Variants in TENM2 observed in about 807,000 individuals in gnomAD.
TENM2 encodes teneurin-2.
In TENM2, 52 loss-of-function variants were observed where a neutral mutation model predicts 245.2. The ratio of observed to expected loss-of-function variants is 0.21; its 90% CI spans 0.17 to 0.27. The LOEUF (loss-of-function observed/expected upper bound fraction) is 0.27, where lower values mean the gene tolerates loss of function less well. TENM2 is among the 10% of genes least tolerant of loss of function. TENM2 has a pLI of 1.00. For missense variants in TENM2, 3,046 were observed against 3,666.8 expected (o/e 0.83, Z 4.37); for synonymous variants, 1,363 against 1,438.9 (o/e 0.95, Z 1.19).
intron 2 of TENM2, among the ~76,000 whole-genome samples, chr5:167,397,013 T>C (rs546912418): frequency 2.0e-5 from 3 of 152,252 alleles, no homozygotes; most frequent in Admixed American, 2.0e-4. Flanking sequence ...AAGGCAGTGA[T>C]AAACTTTTGA....
At chr5:167,307,201 G>C (rs1561850697) in intron 1 of TENM2, among the ~76,000 whole-genome samples, 1 of 152,208 alleles carries the variant, frequency 6.6e-6, no homozygotes. Context: ...GCTCAGATCT[G>C]TGCAGCCAGA....
intron 3 of TENM2, among the ~76,000 whole-genome samples, chr5:167,890,467 C>A (rs1448109414): frequency 6.6e-6 from 1 of 152,118 alleles, no homozygotes; most frequent in South Asian, 2.1e-4. Context: ...ACATCTGACC[C>A]TTGGTCAAAG....
chr5:167,887,871 G>A (rs926092714), intron 3 of TENM2, among the ~76,000 whole-genome samples: 12 of 152,226 alleles, frequency 7.9e-5, no homozygotes, highest in Non-Finnish European at 1.8e-4. Flanking sequence ...ATGCCCTAGG[G>A]AAGAGTCCTT....
chr5:167,646,200 CATATATATATAT>C lies in TENM2; in HGVS notation c.503-229767_503-229756del, dbSNP rs61476810. ...TTCATATATATATATATGTTGTTTT[CATATATATATAT>C]ATATATATATATATATATGTTGTTT... is the stretch of plus-strand genomic sequence containing the variant. On this transcript the variant is annotated intron_variant, in intron 2 of 28. Transcript: ENST00000518659. 5.0e-4 allele frequency among the ~76,000 whole-genome samples: 32 copies of C among 63,440 alleles called. No individual in the cohort carries two copies. In the South Asian group the frequency reaches 0.01, roughly 21 times the overall value. The allele number at this position is 63,440 out of a possible 152,430, so 41.6% of individuals were successfully genotyped here. A position where few individuals can be genotyped will look rare whatever the true frequency, so the allele number is the denominator to read the frequency against.
chr5:167,716,021 A>C (rs1759232390), intron 2 of TENM2, among the ~76,000 whole-genome samples: 1 of 152,182 alleles, frequency 6.6e-6, no homozygotes. Context: ...GTTTGGAGTG[A>C]AGGTATAATC....
chr5:167,583,510 A>ACACACACC (rs777180325), intron 2 of TENM2, among the ~76,000 whole-genome samples: 113 of 150,004 alleles, frequency 7.5e-4, no homozygotes, highest in East Asian at 1.6e-3. Context: ...ACACACACAC[A>ACACACACC]CCCCAAACCT....
chr5:167,386,068 G>T (rs1367163347), intron 2 of TENM2, among the ~76,000 whole-genome samples: 1 of 152,060 alleles, frequency 6.6e-6, no homozygotes, highest in Non-Finnish European at 1.5e-5. Context: ...GGATCAAATT[G>T]TAGTTCTACT....
intron 2 of TENM2, among the ~76,000 whole-genome samples, chr5:167,577,728 G>C (rs905097820): frequency 6.6e-6 from 1 of 151,840 alleles, no homozygotes; most frequent in African/African-American, 2.4e-5. Flanking sequence ...TTTAATAGTA[G>C]CTATCGAGCG....
chr5:167,032,442 A>G, the TENM2 span, among the ~76,000 whole-genome samples: 1 of 152,194 alleles, frequency 6.6e-6, no homozygotes, highest in Non-Finnish European at 1.5e-5. Flanking sequence ...TGAGAAACCT[A>G]GAAAGTAAAA....
chr5:167,751,522 A>C (rs1761957906), intron 2 of TENM2, among the ~76,000 whole-genome samples: 1 of 152,172 alleles, frequency 6.6e-6, no homozygotes, highest in Admixed American at 6.5e-5. Flanking sequence ...ATGAGAATTA[A>C]GCAAGATAAA....
At chr5:167,737,191 G>A (rs892600582) in intron 2 of TENM2, among the ~76,000 whole-genome samples, 4 of 152,174 alleles carry the variant, frequency 2.6e-5, no homozygotes, top group African/African-American at 7.2e-5. Flanking sequence ...TTAAATGGAC[G>A]AGCCTAAAGT....
At chr5:167,213,860 A>G in the TENM2 span, among the ~76,000 whole-genome samples, 1 of 152,230 alleles carries the variant, frequency 6.6e-6, no homozygotes, top group African/African-American at 2.4e-5. Context: ...AGGAATTGCA[A>G]TTTGTATAAA....
intron 13 of TENM2, among the ~76,000 whole-genome samples, chr5:168,169,027 GTTA>G (rs571142141): frequency 3.9e-5 from 6 of 152,212 alleles, no homozygotes; most frequent in Middle Eastern, 3.4e-3. Flanking sequence ...TAAACACATT[GTTA>G]TTATTATTAT....
At chr5:167,098,295 G>A in the TENM2 span, among the ~76,000 whole-genome samples, 1 of 152,184 alleles carries the variant, frequency 6.6e-6, no homozygotes, top group Non-Finnish European at 1.5e-5. Context: ...GGTTATAATC[G>A]TATAATCACC....
intron 2 of TENM2, among the ~76,000 whole-genome samples, chr5:167,501,379 C>T (rs931129189): frequency 6.6e-6 from 1 of 152,132 alleles, no homozygotes; most frequent in African/African-American, 2.4e-5. Context: ...TATATCTTCT[C>T]TACCGTGGCA....
At chr5:167,205,468 C>T in the TENM2 span, among the ~76,000 whole-genome samples, 4 of 152,154 alleles carry the variant, frequency 2.6e-5, no homozygotes, top group South Asian at 2.1e-4. Flanking sequence ...TCTATGTCCA[C>T]GTGAAAGACA....
At chr5:167,111,417 A>G in the TENM2 span, among the ~76,000 whole-genome samples, 3 of 152,166 alleles carry the variant, frequency 2.0e-5, no homozygotes, top group African/African-American at 4.8e-5. Context: ...TACAAAGAGT[A>G]AAAAATAATA....
chr5:167,124,590 G>A, the TENM2 span, among the ~76,000 whole-genome samples: 10 of 152,020 alleles, frequency 6.6e-5, no homozygotes, highest in South Asian at 2.1e-4. Context: ...TACACTATTC[G>A]CTCTTTCCTT....
intron 2 of TENM2, among the ~76,000 whole-genome samples, chr5:167,864,216 T>C (rs553849346): frequency 6.6e-6 from 1 of 152,288 alleles, no homozygotes; most frequent in South Asian, 2.1e-4. Flanking sequence ...AGATTTACAG[T>C]TGAGAACTGT....
Sources: gnomAD v4.1 joint callset for allele counts (sites outside exome capture counted in the v4.1 genomes callset) on GRCh38, gnomAD v4.1.1 for gene constraint, MANE v1.5 for transcripts, NCBI Gene and HGNC (gene_info 2026-07-23, HGNC 2026-07-21) for gene names.